The following OSTF1 variants were observed in gnomAD, a reference collection of about 807,000 sequenced individuals.
OSTF1 encodes osteoclast-stimulating factor 1.
OSTF1 carries 27 observed loss-of-function variants against 37.2 expected under a neutral mutation model. The ratio of observed to expected loss-of-function variants is 0.73; its 90% CI spans 0.54 to 1.00. The LOEUF (loss-of-function observed/expected upper bound fraction) is 1.00. OSTF1 is among the 50% of genes least tolerant of loss of function. OSTF1 has a pLI of 0.00. For synonymous variants in OSTF1, 82 were observed against 89.2 expected, an observed-to-expected ratio of 0.92 and a Z score of 0.46; for missense variants, 232 against 253.8, an observed-to-expected ratio of 0.91 and a Z score of 0.58.
chr9:75,139,238 T>C (rs112088355), intron 8 of OSTF1, among the ~76,000 whole-genome samples: 2 of 151,660 alleles, frequency 1.3e-5, no homozygotes, highest in Non-Finnish European at 2.9e-5. Context: ...TTCGCCATGT[T>C]ACCCAGTCTG....
At chr9:75,125,477 TAA>T (rs1276166151) in intron 2 of OSTF1, among the ~76,000 whole-genome samples, 3 of 152,200 alleles carry the variant, frequency 2.0e-5, no homozygotes, top group Non-Finnish European at 4.4e-5. Context: ...ACAAAAAAAG[TAA>T]AAACTTATTT....
intron 8 of OSTF1, among the ~76,000 whole-genome samples, chr9:75,139,055 T>TTTCTTTCTTTCTTTTC: frequency 7.3e-6 from 1 of 137,316 alleles, no homozygotes; most frequent in South Asian, 2.3e-4. Context: ...TCTTTCTTTC[T>TTTCTTTCTTTCTTTTC]TTTTTTTTTG....
Position 75,130,588 on chromosome 9 carries a change from A to G in OSTF1, c.143A>G (p.Asn48Ser), listed in dbSNP as rs2295862. 2.2e-4 allele frequency: 346 copies of G among 1,607,738 alleles called. 5 individuals carry two copies. In the East Asian group the frequency reaches 7.3e-3, roughly 34 times the overall value. The change falls in exon 4 of 10, where the codon AAT becomes AGT. Residue 48 changes from asparagine (N) to serine (S), a missense_variant. Coordinates refer to ENST00000346234, the MANE Select transcript of OSTF1 (RefSeq NM_012383.5). ...CTCTTCTTTTACCAGAGCGATACCA[A>G]TTGGTGGAAAGGCACCTCCAAAGGC... Reference protein sequence around the residue: ...IIYITDMSDTNWWKGTSKGRT... With the variant: ...IIYITDMSDTSWWKGTSKGRT...
At chr9:75,121,930 G>T (rs929900360) in intron 2 of OSTF1, among the ~76,000 whole-genome samples, 1 of 152,168 alleles carries the variant, frequency 6.6e-6, no homozygotes, top group Non-Finnish European at 1.5e-5. Context: ...AGGAGATGGG[G>T]ACAGCAATGC....
At chr9:75,141,064 C>T in intron 9 of OSTF1, 132 bp downstream of exon 9, 5 of 576,292 alleles carry the variant, frequency 8.7e-6, no homozygotes, top group Non-Finnish European at 1.5e-5. Flanking sequence ...TTTGGGAGGC[C>T]AAGGCAGGAG....
At chr9:75,111,546 A>G (rs974520068) in intron 1 of OSTF1, among the ~76,000 whole-genome samples, 1 of 152,132 alleles carries the variant, frequency 6.6e-6, no homozygotes, top group African/African-American at 2.4e-5. Flanking sequence ...GGTTCATGCA[A>G]GGTTCACCTA....
At chr9:75,116,056 A>C (rs2118509367) in intron 1 of OSTF1, among the ~76,000 whole-genome samples, 1 of 152,218 alleles carries the variant, frequency 6.6e-6, no homozygotes, top group African/African-American at 2.4e-5. Context: ...GTGAGCTGAG[A>C]TTGTGCCACT....
At chr9:75,137,421 A>C in intron 7 of OSTF1, 117 bp from the exon 8 acceptor site, 1 of 665,218 alleles carries the variant, frequency 1.5e-6, no homozygotes, top group Non-Finnish European at 2.7e-6. Flanking sequence ...TGGTTCTATA[A>C]CTTTGTTCCC....
Position 75,137,619 on chromosome 9 carries a change from A to G in OSTF1, c.487+3A>G, listed in dbSNP as rs750180227. ...CGTCCAGTTGCTTCTGGCAAAAGGT[A>G]AAGTTTGTGCTGAGTTTATCTGGTC... On this transcript the variant is annotated splice_donor_region_variant and intron_variant, in intron 8 of 9. Coordinates refer to ENST00000346234, the MANE Select transcript of OSTF1 (RefSeq NM_012383.5). 8 of 1,600,494 alleles carry G rather than the reference A, an allele frequency of 5.0e-6. No homozygotes were observed. Among genetic ancestry groups the G allele is most frequent in the South Asian group, 1.1e-5 (1 of 90,810 alleles).
rs375629331 is a variant in OSTF1, at chr9:75,112,489, T to A, written c.35-5015T>A. ...GATGAAAAGGGACAAGAGGCTAATG[T>A]CCCAACATTAAGCAATAAATAAGGT... On this transcript the variant is annotated intron_variant, in intron 1 of 9. Transcript: ENST00000346234. Among the ~76,000 whole-genome samples the A allele has an allele frequency of 1.2e-4, 19 of 152,240 alleles. No homozygotes were observed. In the South Asian group the frequency reaches 3.9e-3, roughly 32 times the overall value.
intron 2 of OSTF1, among the ~76,000 whole-genome samples, chr9:75,120,794 G>T (rs1266231274): frequency 6.6e-6 from 1 of 152,202 alleles, no homozygotes; most frequent in Non-Finnish European, 1.5e-5. Flanking sequence ...CAGCCCCGCT[G>T]TGCTCTGCTC....
At chr9:75,130,929 C>T (rs375543661) in intron 4 of OSTF1, among the ~76,000 whole-genome samples, 46 of 152,024 alleles carry the variant, frequency 3.0e-4, no homozygotes, top group African/African-American at 1.1e-3. Context: ...TTTTTTAATG[C>T]TGATAAACTC....
chr9:75,099,563 C>T (rs758738585), intron 1 of OSTF1, among the ~76,000 whole-genome samples: 1 of 152,084 alleles, frequency 6.6e-6, no homozygotes, highest in African/African-American at 2.4e-5. Flanking sequence ...TGTGGTGGCT[C>T]ACGCCTGTAA....
chr9:75,110,782 C>T (rs1825372636), intron 1 of OSTF1, among the ~76,000 whole-genome samples: 1 of 151,730 alleles, frequency 6.6e-6, no homozygotes, highest in South Asian at 2.1e-4. Context: ...GCAGTCATGG[C>T]TCACTGCAGC....
chr9:75,133,002 CACACACACA>C (rs1564167191), intron 5 of OSTF1, among the ~76,000 whole-genome samples: 1,401 of 32,404 alleles, frequency 0.043, 9 homozygotes, highest in East Asian at 0.067. Context: ...CACACACACA[CACACACACA>C]CCCCTATATA....
chr9:75,089,383 T>A (rs559957770), intron 1 of OSTF1, among the ~76,000 whole-genome samples: 1 of 152,084 alleles, frequency 6.6e-6, no homozygotes, highest in South Asian at 2.1e-4. Flanking sequence ...CCAAAGACGT[T>A]GGCGTGCTAA....
chr9:75,141,503 C>T (rs1825943829), intron 9 of OSTF1, among the ~76,000 whole-genome samples: 2 of 151,992 alleles, frequency 1.3e-5, no homozygotes, highest in African/African-American at 4.8e-5. Context: ...TCTAATCACC[C>T]TGCTTTCCAT....
chr9:75,093,438 T>A (rs921120177), intron 1 of OSTF1, among the ~76,000 whole-genome samples: 6 of 152,210 alleles, frequency 3.9e-5, no homozygotes, highest in African/African-American at 1.4e-4. Flanking sequence ...GGCTGTAGAA[T>A]CATCTCATTC....
At chr9:75,110,430 T>G (rs1825366323) in intron 1 of OSTF1, among the ~76,000 whole-genome samples, 1 of 152,194 alleles carries the variant, frequency 6.6e-6, no homozygotes, top group Non-Finnish European at 1.5e-5. Context: ...ATAGCTCATT[T>G]CTCTTTAGTG....
Sources: allele counts gnomAD v4.1 joint callset (sites outside exome capture counted in the v4.1 genomes callset), GRCh38; gene constraint gnomAD v4.1.1; transcripts MANE v1.5; gene names NCBI Gene and HGNC (gene_info 2026-07-23, HGNC 2026-07-21).